ZNF85: variants seen among roughly 807,000 people sequenced by gnomAD.
ZNF85 encodes the protein zinc finger protein 85, also known as zinc finger protein 85 (HPF4, HTF1).
Under a neutral mutation model 53.9 loss-of-function variants are expected in ZNF85, and 50 were observed. The observed-to-expected ratio is 0.93, with a 90% CI of 0.74 to 1.17. The LOEUF is 1.17. Among genes scored for constraint, ZNF85 ranks in the 50% most tolerant of loss-of-function variants. The pLI is 0.00. For synonymous variants in ZNF85, 225 were observed against 226.1 expected (o/e 1.00, Z 0.04); for missense variants, 747 against 688.5 (o/e 1.08, Z -0.95).
intron 3 of ZNF85, 37 bp from the exon 4 acceptor site, chr19:20,948,707 A>T (rs1245789154): frequency 7.1e-7 from 1 of 1,417,968 alleles, no homozygotes; most frequent in Non-Finnish European, 9.5e-7. Flanking sequence ...ATCTAAGTCT[A>T]GCAAGTGGAG....
intron 3 of ZNF85, among the ~76,000 whole-genome samples, chr19:20,946,572 A>G (rs888158808): frequency 6.8e-6 from 1 of 146,884 alleles, no homozygotes; most frequent in Non-Finnish European, 1.5e-5. Flanking sequence ...ATACACATGC[A>G]CACACACACA....
chr19:20,948,306 C>T (rs1210636338), intron 3 of ZNF85, among the ~76,000 whole-genome samples: 2 of 151,998 alleles, frequency 1.3e-5, no homozygotes, highest in African/African-American at 4.8e-5. Flanking sequence ...CAATGTATAC[C>T]ATTTATTTCA....
At chr19:20,938,652 G>C (rs187038462) in intron 3 of ZNF85, among the ~76,000 whole-genome samples, 2 of 152,022 alleles carry the variant, frequency 1.3e-5, no homozygotes, top group East Asian at 3.8e-4. Flanking sequence ...GAATTTACAT[G>C]TTATGCCTGA....
At chr19:20,946,262 T>G (rs780144157) in intron 3 of ZNF85, 3 of 375,578 alleles carry the variant, frequency 8.0e-6, no homozygotes, top group South Asian at 6.4e-5. Flanking sequence ...ATTTTAGTTC[T>G]AAAAAATTTG....
intron 3 of ZNF85, among the ~76,000 whole-genome samples, chr19:20,935,755 G>A (rs1377929502): frequency 6.6e-6 from 1 of 151,390 alleles, no homozygotes; most frequent in African/African-American, 2.4e-5. Context: ...TCTCAATGTT[G>A]GTCAGGCTGT....
chr19:20,935,918 A>G (rs1000677704), intron 3 of ZNF85, among the ~76,000 whole-genome samples: 10 of 152,158 alleles, frequency 6.6e-5, no homozygotes, highest in Admixed American at 5.9e-4. Context: ...CACTTTAACA[A>G]TATTTATCCT....
At chr19:20,933,995 G>GTGTGTGTGTT (rs1973093424) in intron 1 of ZNF85, 29 bp from the exon 2 acceptor site, 1 of 1,302,162 alleles carries the variant, frequency 7.7e-7, no homozygotes, top group African/African-American at 1.6e-5. Context: ...GTGTGTGTGT[G>GTGTGTGTGTT]TGTATGTGTA....
chr19:20,947,110 G>A lies in ZNF85; in HGVS notation c.230-1634G>A, dbSNP rs985730899. On this transcript the variant is annotated intron_variant, in intron 3 of 3. Transcript: ENST00000328178. ...ATATCTCTATACAGATTTTTTTGTG[G>A]TACCTTGGGGTTTACATAAAATCTC... Among the ~76,000 whole-genome samples, 7 of 150,606 alleles carry A rather than the reference G, an allele frequency of 4.6e-5. 1 individual carries two copies. In the South Asian group the frequency reaches 1.5e-3, roughly 31 times the overall value.
At chr19:20,944,930 A>G (rs999679665) in intron 3 of ZNF85, among the ~76,000 whole-genome samples, 1 of 151,892 alleles carries the variant, frequency 6.6e-6, no homozygotes, top group African/African-American at 2.4e-5. Context: ...TATTATTTCT[A>G]TTTTCCTATA....
intron 3 of ZNF85, among the ~76,000 whole-genome samples, chr19:20,936,039 T>G (rs749170775): frequency 1.3e-5 from 2 of 152,228 alleles, no homozygotes; most frequent in Non-Finnish European, 2.9e-5. Flanking sequence ...TTTGTTAAAT[T>G]TGTTCTCAGA....
chr19:20,947,781 C>T (rs1568555661), intron 3 of ZNF85, among the ~76,000 whole-genome samples: 1 of 151,008 alleles, frequency 6.6e-6, no homozygotes, highest in Non-Finnish European at 1.5e-5. Context: ...TTGTATTTTT[C>T]ACCTCCACAA....
In ZNF85 at chr19:20,923,415, A is replaced by G. The variant is rs926946105; in HGVS notation, c.3+12A>G. The G allele has an allele frequency of 2.5e-6, 4 of 1,613,936 alleles. No homozygotes were observed. Among genetic ancestry groups the G allele is most frequent in the Admixed American group, 1.7e-5 (1 of 60,004 alleles). ...GAAGCCTAGAAATGGTGAGAGTGCC[A>G]GGTCCGCCATCCCGAGGGGGAAAGG... On this transcript the variant is annotated intron_variant, in intron 1 of 3. Transcript: ENST00000328178.
chr19:20,924,597 A>G (rs1217769380), intron 1 of ZNF85, among the ~76,000 whole-genome samples: 1 of 152,194 alleles, frequency 6.6e-6, no homozygotes, highest in African/African-American at 2.4e-5. Flanking sequence ...ACAGTAAAAT[A>G]CTAAATTTCC....
intron 1 of ZNF85, among the ~76,000 whole-genome samples, chr19:20,924,853 G>A (rs1972843246): frequency 6.6e-6 from 1 of 152,186 alleles, no homozygotes. Flanking sequence ...TAGGCACAGA[G>A]TTCTTATCAG....
chr19:20,930,120 C>CA (rs57832039), intron 1 of ZNF85, among the ~76,000 whole-genome samples: 1,091 of 79,020 alleles, frequency 0.014, 5 homozygotes, highest in African/African-American at 0.024. Flanking sequence ...GACTCCGTCC[C>CA]AAAAAAAAAA....
At chr19:20,948,607 T>C (rs994904140) in intron 3 of ZNF85, 137 bp from the exon 4 acceptor site, 5 of 611,334 alleles carry the variant, frequency 8.2e-6, no homozygotes, top group Non-Finnish European at 1.4e-5. Context: ...TAAATGTCTA[T>C]GAAGGATTTA....
chr19:20,933,050 G>A (rs1229430206), intron 1 of ZNF85, among the ~76,000 whole-genome samples: 6 of 151,568 alleles, frequency 4.0e-5, no homozygotes, highest in Admixed American at 6.6e-5. Flanking sequence ...AAAATTAGCC[G>A]GGCATGGTGG....
intron 2 of ZNF85, 144 bp downstream of exon 2, chr19:20,934,294 T>C (rs1973104404): frequency 1.7e-6 from 2 of 1,173,634 alleles, no homozygotes; most frequent in Admixed American, 2.5e-5. Flanking sequence ...GATTAATACA[T>C]GTAGAAAAGA....
intron 3 of ZNF85, among the ~76,000 whole-genome samples, chr19:20,944,547 T>C (rs1198349924): frequency 6.7e-6 from 1 of 149,332 alleles, no homozygotes; most frequent in Non-Finnish European, 1.5e-5. Context: ...TCAAGTAGTA[T>C]TGGTTAAGAA....
Sources: allele counts gnomAD v4.1 joint callset (sites outside exome capture counted in the v4.1 genomes callset), GRCh38; gene constraint gnomAD v4.1.1; transcripts MANE v1.5; gene names NCBI Gene and HGNC (gene_info 2026-07-23, HGNC 2026-07-21).